The following ORC4 variants were observed in gnomAD, a reference collection of about 807,000 sequenced individuals.
The protein encoded by ORC4 is origin recognition complex subunit 4.
In ORC4, 55 loss-of-function variants were observed where a neutral mutation model predicts 63.9. That is an observed-to-expected ratio of 0.86 (90% CI 0.69 to 1.08). The LOEUF (loss-of-function observed/expected upper bound fraction) is 1.08, where lower values mean the gene tolerates loss of function less well. Among genes scored for constraint, ORC4 ranks in the 50% least tolerant of loss-of-function variants. ORC4 has a pLI of 0.00. For missense variants in ORC4, 511 were observed against 504.4 expected (o/e 1.01, Z -0.13); for synonymous variants, 150 against 168.5 (o/e 0.89, Z 0.85).
chr2:147,987,198 A>T (rs1335656706), intron 1 of ORC4, among the ~76,000 whole-genome samples: 1 of 151,020 alleles, frequency 6.6e-6, no homozygotes, highest in African/African-American at 2.4e-5. Flanking sequence ...AAAAAAAAAA[A>T]ATCTCTTGGG....
At chr2:147,945,993 T>C (rs1251741736) in intron 9 of ORC4, among the ~76,000 whole-genome samples, 8 of 152,100 alleles carry the variant, frequency 5.3e-5, no homozygotes, top group Admixed American at 5.2e-4. Flanking sequence ...CTGGTTCTAC[T>C]TAATGAAACT....
intron 4 of ORC4, among the ~76,000 whole-genome samples, chr2:147,966,145 T>A (rs1200514572): frequency 6.6e-6 from 1 of 151,982 alleles, no homozygotes; most frequent in African/African-American, 2.4e-5. Context: ...AAATTAAGAA[T>A]ATTACAGATT....
At chr2:147,995,999 C>CAA (rs1258215563) in intron 1 of ORC4, among the ~76,000 whole-genome samples, 31 of 120,990 alleles carry the variant, frequency 2.6e-4, no homozygotes, top group South Asian at 1.9e-3. Flanking sequence ...GACTCCATCT[C>CAA]AAAAAAAAAA....
At chr2:147,991,922 T>C (rs1448232461) in intron 1 of ORC4, among the ~76,000 whole-genome samples, 2 of 152,218 alleles carry the variant, frequency 1.3e-5, no homozygotes, top group African/African-American at 4.8e-5. Context: ...TCTGCAGTAG[T>C]GTTGATGAAT....
rs1427121387 is a variant in ORC4 at position 147,931,529 on chromosome 2, A to ACTT, written c.*3978_*3980dup. The ACTT allele has an allele frequency of 6.6e-6, 1 of 151,968 alleles. No individual in the cohort carries two copies. Among genetic ancestry groups the ACTT allele is most frequent in the Non-Finnish European group, 1.5e-5 (1 of 67,966 alleles). 9.4% of individuals were successfully genotyped at this position (151,968 alleles called of 1,614,324 possible). ...CCTCTCCAGCACCTGTTGTTTCCTG[A>ACTT]CTTTTTAATGATTGCCATTCTAACT... On this transcript the variant is annotated 3_prime_UTR_variant, in exon 14 of 14. Coordinates refer to ENST00000392857, the MANE Select transcript of ORC4 (RefSeq NM_181741.4).
intron 5 of ORC4, 148 bp from the exon 6 acceptor site, chr2:147,958,531 G>T: frequency 1.6e-6 from 1 of 623,152 alleles, no homozygotes; most frequent in Non-Finnish European, 2.8e-6. Flanking sequence ...AAGACATTCG[G>T]TAGAATCAAA....
chr2:147,950,800 C>CTTGAAAGAACT (rs1343160590), intron 8 of ORC4, among the ~76,000 whole-genome samples: 3 of 150,878 alleles, frequency 2.0e-5, no homozygotes, highest in African/African-American at 4.9e-5. Context: ...AAAAATTACA[C>CTTGAAAGAACT]TTGAAAGAAC....
intron 1 of ORC4, among the ~76,000 whole-genome samples, chr2:148,012,269 C>T (rs1693017169): frequency 6.6e-6 from 1 of 152,070 alleles, no homozygotes; most frequent in Non-Finnish European, 1.5e-5. Context: ...TGTAGAACAA[C>T]AGAACAGAGA....
chr2:148,015,338 G>GA (rs1371240001), intron 1 of ORC4, among the ~76,000 whole-genome samples: 1 of 113,844 alleles, frequency 8.8e-6, no homozygotes, highest in Admixed American at 1.0e-4. Context: ...TTTTTGAGAT[G>GA]GAGTCTCTCT....
chr2:148,001,116 A>C (rs1393703000), intron 1 of ORC4, among the ~76,000 whole-genome samples: 1 of 152,136 alleles, frequency 6.6e-6, no homozygotes, highest in Non-Finnish European at 1.5e-5. Flanking sequence ...TAAGCAAATA[A>C]GGCGATAAAG....
At chr2:147,975,187 CCA>C (rs1690473259) in intron 2 of ORC4, among the ~76,000 whole-genome samples, 2 of 152,186 alleles carry the variant, frequency 1.3e-5, no homozygotes, top group South Asian at 2.1e-4. Context: ...GGTAGAAATA[CCA>C]TGCTCATTTC....
intron 1 of ORC4, among the ~76,000 whole-genome samples, chr2:147,992,101 TAAC>T (rs1187864176): frequency 6.6e-6 from 1 of 152,196 alleles, no homozygotes; most frequent in Non-Finnish European, 1.5e-5. Context: ...GGCACTGACA[TAAC>T]TACATCTTAA....
Position 147,931,707 on chromosome 2 carries a change from A to ACAT in ORC4, c.*3800_*3802dup, listed in dbSNP as rs1323082521. The stretch of plus-strand genomic sequence containing the variant: ...ATAAACAGAGCCAAAGACAAAAAAC[A>ACAT]CATGATTATCTCAATAGATGCAGAA... On this transcript the variant is annotated 3_prime_UTR_variant, in exon 14 of 14. Transcript: ENST00000392857. The ACAT allele has an allele frequency of 6.6e-6, 1 of 152,162 alleles. No homozygotes were observed. Among genetic ancestry groups the ACAT allele is most frequent in the Non-Finnish European group, 1.5e-5 (1 of 68,056 alleles). 9.4% of individuals were successfully genotyped at this position (152,162 alleles called of 1,614,324 possible). A position where few individuals can be genotyped will look rare whatever the true frequency, so the allele number is the denominator to read the frequency against.
intron 1 of ORC4, among the ~76,000 whole-genome samples, chr2:148,019,203 C>T (rs1693511980): frequency 1.3e-5 from 2 of 152,112 alleles, no homozygotes; most frequent in Admixed American, 1.3e-4. Context: ...ATACTAAGGG[C>T]TAAGCAATGA....
In ORC4 at chr2:147,938,578, T is replaced by C. The variant is rs981940056; in HGVS notation, c.959-185A>G. 2.1e-5 allele frequency: 12 copies of C among 560,628 alleles called. No individual in the cohort carries two copies. The Admixed American group carries it at 2.2e-4, about 10-fold the overall frequency. The allele number at this position is 560,628 out of a possible 1,614,324, so 34.7% of individuals were successfully genotyped here. A position where few individuals can be genotyped will look rare whatever the true frequency, so the allele number is the denominator to read the frequency against. On this transcript the variant is annotated intron_variant, in intron 11 of 13. Coordinates refer to ENST00000392857, the MANE Select transcript of ORC4 (RefSeq NM_181741.4). The stretch of plus-strand genomic sequence containing the variant: ...TTAAGTTACTTAACCTCCCTGAGCT[T>C]AGTTTTTTTCCTATCTGCAAAATAA...
chr2:147,931,764 T>G lies in ORC4; in HGVS notation c.*3746A>C, dbSNP rs1037823792. ...TTTGACAAAATTCAACAACCCTTCA[T>G]GCTAAAAACTCTCAATAAATTAGGG... On this transcript the variant is annotated 3_prime_UTR_variant, in exon 14 of 14. Transcript: ENST00000392857. The G allele has an allele frequency of 1.1e-4, 16 of 152,178 alleles. No individual in the cohort carries two copies. Among genetic ancestry groups the G allele is most frequent in the African/African-American group, 3.6e-4 (15 of 41,514 alleles). 9.4% of individuals were successfully genotyped at this position (152,178 alleles called of 1,614,324 possible). A position where few individuals can be genotyped will look rare whatever the true frequency, so the allele number is the denominator to read the frequency against.
intron 1 of ORC4, among the ~76,000 whole-genome samples, chr2:148,010,404 A>C (rs1158759827): frequency 1.3e-5 from 2 of 151,976 alleles, no homozygotes; most frequent in Non-Finnish European, 2.9e-5. Context: ...AGATCAATGA[A>C]ATGAAAAGGG....
chr2:147,987,393 C>A (rs191115214), intron 1 of ORC4, among the ~76,000 whole-genome samples: 1 of 54,834 alleles, frequency 1.8e-5, no homozygotes, highest in African/African-American at 4.7e-5. Flanking sequence ...TATATATATA[C>A]ACACACACAC....
intron 1 of ORC4, among the ~76,000 whole-genome samples, chr2:147,988,947 A>G (rs1361082449): frequency 6.6e-6 from 1 of 152,242 alleles, no homozygotes; most frequent in Non-Finnish European, 1.5e-5. Context: ...AAAAATTCTC[A>G]TATCTATACA....
Sources: allele counts gnomAD v4.1 joint callset (sites outside exome capture counted in the v4.1 genomes callset), GRCh38; gene constraint gnomAD v4.1.1; transcripts MANE v1.5; gene names NCBI Gene and HGNC (gene_info 2026-07-23, HGNC 2026-07-21).